Variants in PCDH7 observed in about 807,000 individuals in gnomAD.
PCDH7 encodes protocadherin-7.
In PCDH7, 17 loss-of-function variants were observed where a neutral mutation model predicts 58.9. The ratio of observed to expected loss-of-function variants is 0.29; its 90% confidence interval spans 0.20 to 0.43. The LOEUF (loss-of-function observed/expected upper bound fraction) is 0.43, where lower values mean the gene tolerates loss of function less well. PCDH7 is among the 20% of genes least tolerant of loss of function. The pLI is 1.00. For missense variants in PCDH7, 1,274 were observed against 1,441.0 expected (o/e 0.88, Z 1.88); for synonymous variants, 664 against 616.4 (o/e 1.08, Z -1.14).
chr4:31,120,775 A>C (rs1322256328), intron 3 of PCDH7, among the ~76,000 whole-genome samples: 1 of 152,164 alleles, frequency 6.6e-6, no homozygotes, highest in Non-Finnish European at 1.5e-5. Flanking sequence ...TAGTTTAGCC[A>C]AATCCTTTTA....
At chr4:30,728,217 G>T (rs575424071) in intron 1 of PCDH7, among the ~76,000 whole-genome samples, 1 of 149,698 alleles carries the variant, frequency 6.7e-6, no homozygotes, top group East Asian at 2.0e-4. Context: ...CATCTATTAA[G>T]CAATAAGAAA....
chr4:30,891,721 A>C (rs1472293097), intron 1 of PCDH7, among the ~76,000 whole-genome samples: 1 of 151,790 alleles, frequency 6.6e-6, no homozygotes, highest in Non-Finnish European at 1.5e-5. Context: ...TAAAACTGCT[A>C]GTTAATTACA....
At chr4:30,848,448 T>C (rs1207934223) in intron 1 of PCDH7, among the ~76,000 whole-genome samples, 1 of 152,082 alleles carries the variant, frequency 6.6e-6, no homozygotes, top group Non-Finnish European at 1.5e-5. Flanking sequence ...ATTTAAAAAA[T>C]TTTCTATAGC....
At chr4:30,839,877 C>G (rs1232557054) in intron 1 of PCDH7, among the ~76,000 whole-genome samples, 1 of 152,060 alleles carries the variant, frequency 6.6e-6, no homozygotes, top group Admixed American at 6.6e-5. Flanking sequence ...CTCATGCATG[C>G]TAAATTAAGA....
intron 1 of PCDH7, among the ~76,000 whole-genome samples, chr4:30,864,657 A>G (rs1734649904): frequency 6.6e-6 from 1 of 151,998 alleles, no homozygotes; most frequent in African/African-American, 2.4e-5. Flanking sequence ...GTGGTCCTAT[A>G]CTGTGAATGA....
At chr4:30,894,139 A>G (rs1418714711) in intron 1 of PCDH7, among the ~76,000 whole-genome samples, 1 of 152,084 alleles carries the variant, frequency 6.6e-6, no homozygotes, top group Non-Finnish European at 1.5e-5. Context: ...TGTATTCTGA[A>G]GGATTATCTC....
chr4:30,775,296 G>A (rs994338867), intron 1 of PCDH7, among the ~76,000 whole-genome samples: 2 of 152,102 alleles, frequency 1.3e-5, no homozygotes, highest in African/African-American at 4.8e-5. Flanking sequence ...ATTTTGAAAA[G>A]ATTAATTTCA....
At chr4:30,777,987 AG>A (rs1183973439) in intron 1 of PCDH7, among the ~76,000 whole-genome samples, 1 of 152,144 alleles carries the variant, frequency 6.6e-6, no homozygotes, top group African/African-American at 2.4e-5. Context: ...TTTGGCTTTG[AG>A]CCATAATATG....
intron 3 of PCDH7, among the ~76,000 whole-genome samples, chr4:31,048,005 T>A (rs533095472): frequency 6.6e-6 from 1 of 152,190 alleles, no homozygotes; most frequent in African/African-American, 2.4e-5. Flanking sequence ...TATGGTTGCA[T>A]AGTAGTTATA....
Position 30,722,342 on chromosome 4 carries a change from G to T in PCDH7, c.920G>T (p.Arg307Leu), listed in dbSNP as rs1414762988. 6 of 1,611,830 alleles carry T rather than the reference G, an allele frequency of 3.7e-6. No homozygotes were observed. The highest frequency in any genetic ancestry group is 1.7e-5 in the Admixed American group (1 of 59,936). ...ACCGACGTGAACGACAACAGCCCCC[G>T]CTTCGAGAAGAGCGTGTACGAGGCC... Residue 307 changes from arginine to leucine, a missense_variant, in exon 1 of 2, where the codon CGC (arginine) becomes CTC (leucine). Physicochemically the swap from Arg to Leu is moderately radical, Grantham distance 102. This residue lies in a region of PCDH7 where 331 missense variants were observed against 303.2 expected (regional missense o/e 1.09). Transcript: ENST00000361762. This position sits in a 1 kb window ranked among gnomAD's most constrained non-coding sequence, Gnocchi z 7.6.
At chr4:30,960,466 T>C (rs1748304897) in intron 3 of PCDH7, among the ~76,000 whole-genome samples, 1 of 152,150 alleles carries the variant, frequency 6.6e-6, no homozygotes, top group South Asian at 2.1e-4. Flanking sequence ...GTGGAATTCC[T>C]TTGGCATAGC....
intron 3 of PCDH7, among the ~76,000 whole-genome samples, chr4:30,996,252 A>G (rs1398816697): frequency 6.6e-6 from 1 of 152,156 alleles, no homozygotes; most frequent in African/African-American, 2.4e-5. Flanking sequence ...AGGCCAACAC[A>G]TGCTGAATGA....
intron 3 of PCDH7, among the ~76,000 whole-genome samples, chr4:31,076,839 C>A (rs779122203): frequency 5.9e-5 from 9 of 152,064 alleles, no homozygotes; most frequent in Non-Finnish European, 1.0e-4. Context: ...GATGATGAAA[C>A]AATTCTTATT....
At chr4:30,838,713 C>A (rs1730832523) in intron 1 of PCDH7, among the ~76,000 whole-genome samples, 1 of 151,772 alleles carries the variant, frequency 6.6e-6, no homozygotes, top group African/African-American at 2.4e-5. Flanking sequence ...CTATGCACAT[C>A]CTGGAAGTGG....
chr4:31,067,432 G>A (rs1293897663), intron 3 of PCDH7, among the ~76,000 whole-genome samples: 1 of 150,804 alleles, frequency 6.6e-6, no homozygotes, highest in African/African-American at 2.4e-5. Flanking sequence ...TTTAGTCTGG[G>A]ATCTGCAAGA....
intron 1 of PCDH7, among the ~76,000 whole-genome samples, chr4:30,819,409 T>G (rs1244706495): frequency 6.6e-6 from 1 of 152,168 alleles, no homozygotes; most frequent in African/African-American, 2.4e-5. Flanking sequence ...ATATACACTT[T>G]TTCATTCTCT....
At chr4:30,870,934 C>T (rs1735498877) in intron 1 of PCDH7, among the ~76,000 whole-genome samples, 1 of 152,074 alleles carries the variant, frequency 6.6e-6, no homozygotes, top group Admixed American at 6.6e-5. Context: ...CTGAGGTTTA[C>T]TCCCTTTTAT....
chr4:30,770,853 A>G (rs1435110612), intron 1 of PCDH7, among the ~76,000 whole-genome samples: 1 of 152,210 alleles, frequency 6.6e-6, no homozygotes, highest in Non-Finnish European at 1.5e-5. Context: ...GTCTTTTAAA[A>G]AAACAACCAT....
chr4:30,766,233 T>C (rs894446167), intron 1 of PCDH7, among the ~76,000 whole-genome samples: 13 of 152,016 alleles, frequency 8.6e-5, no homozygotes, highest in Admixed American at 8.5e-4. Context: ...GTATACAGTT[T>C]TAAGATATGC....
Sources: gnomAD v4.1 joint callset for allele counts (sites outside exome capture counted in the v4.1 genomes callset) on GRCh38, gnomAD v4.1.1 for gene constraint, gnomAD v4.1.1 regional missense constraint, Gnocchi (gnomAD v3.1) non-coding constraint, MANE v1.5 for transcripts, NCBI Gene and HGNC (gene_info 2026-07-23, HGNC 2026-07-21) for gene names.